The following CELF4 variants were observed in gnomAD, a reference collection of about 807,000 sequenced individuals.
CELF4 encodes CUG-BP- and ETR-3-like factor 4.
In CELF4, 18 loss-of-function variants were observed where a neutral mutation model predicts 59.9. The observed-to-expected ratio is 0.30, with a 90% CI of 0.21 to 0.45. CELF4 has a LOEUF of 0.45. Among genes scored for constraint, CELF4 ranks in the 20% least tolerant of loss-of-function variants. CELF4 has a pLI of 1.00. For missense variants in CELF4, 456 were observed against 689.0 expected, an observed-to-expected ratio of 0.66 and a Z score of 3.79; for synonymous variants, 261 against 267.1, an observed-to-expected ratio of 0.98 and a Z score of 0.22.
rs561213595 is a variant in CELF4, at chr18:37,274,320, G to A, written c.792C>T (p.Tyr264=). 1.3e-4 allele frequency: 202 copies of A among 1,612,358 alleles called. No individual in the cohort carries two copies. Among genetic ancestry groups the A allele is most frequent in the Non-Finnish European group, 1.6e-4 (192 of 1,179,616 alleles). The change falls in exon 6 of 13, where the codon TAC becomes TAT. Residue 264 remains tyrosine, a synonymous_variant. Transcript: ENST00000420428. ...GCGCGCTGCCACTTACTGCCTGAGCGTAGGCGCCGTAGGCCCCGAAAGGGA... is the reference window on the plus strand; with the variant it reads ...GCGCGCTGCCACTTACTGCCTGAGCATAGGCGCCGTAGGCCCCGAAAGGGA... ...MAIPFGAYGA[Y]AQALMQQQAA... is the part of the protein sequence containing the mutation.
intron 3 of CELF4, among the ~76,000 whole-genome samples, chr18:37,301,374 G>C (rs2096021432): frequency 6.6e-6 from 1 of 152,166 alleles, no homozygotes. Context: ...CGGCAGAGAT[G>C]GGGGCATGGG....
intron 2 of CELF4, among the ~76,000 whole-genome samples, chr18:37,322,935 TG>T (rs766161812): frequency 2.3e-4 from 35 of 152,198 alleles, no homozygotes; most frequent in Non-Finnish European, 4.7e-4. Context: ...GGCCACCACG[TG>T]GCAGGACATG....
At chr18:37,335,051 C>T in intron 2 of CELF4, among the ~76,000 whole-genome samples, 1 of 149,106 alleles carries the variant, frequency 6.7e-6, no homozygotes, top group African/African-American at 2.5e-5. Flanking sequence ...CCTTGCTCTC[C>T]CGTTTTCTAA....
chr18:37,293,357 C>A (rs907548550), intron 3 of CELF4, among the ~76,000 whole-genome samples: 9 of 152,184 alleles, frequency 5.9e-5, no homozygotes, highest in African/African-American at 2.2e-4. Context: ...TCTTGGCTTT[C>A]TTTAGTTGTA....
chr18:37,430,289 G>C (rs1379789938), intron 2 of CELF4, among the ~76,000 whole-genome samples: 1 of 152,192 alleles, frequency 6.6e-6, no homozygotes, highest in Non-Finnish European at 1.5e-5. Context: ...ATAACCTGGG[G>C]CCCCTTGGAA....
intron 2 of CELF4, among the ~76,000 whole-genome samples, chr18:37,453,083 T>C (rs2099768717): frequency 6.6e-6 from 1 of 152,268 alleles, no homozygotes; most frequent in South Asian, 2.1e-4. Context: ...CTTCTACATC[T>C]GGCCTCTGCC....
At chr18:37,561,011 C>G (rs1363715865) in intron 1 of CELF4, among the ~76,000 whole-genome samples, 3 of 152,184 alleles carry the variant, frequency 2.0e-5, no homozygotes, top group African/African-American at 7.2e-5. Flanking sequence ...ATTTCCTATT[C>G]AGGTATAGTT....
chr18:37,273,824 G>T, intron 6 of CELF4: 1 of 989,732 alleles, frequency 1.0e-6, no homozygotes, highest in Non-Finnish European at 1.2e-6. Context: ...GTGGAAGAAA[G>T]AAGTAGGTGG....
chr18:37,306,977 G>A (rs911027419), intron 3 of CELF4, among the ~76,000 whole-genome samples: 10 of 152,328 alleles, frequency 6.6e-5, no homozygotes, highest in Admixed American at 2.0e-4. Context: ...GAGGAGCCAC[G>A]TTTGCCACCT....
chr18:37,262,812 A>T (rs897913794), intron 10 of CELF4, among the ~76,000 whole-genome samples: 4 of 152,156 alleles, frequency 2.6e-5, no homozygotes, highest in African/African-American at 4.8e-5. Context: ...AGGGCAAGGC[A>T]GGCCCAGGGC....
Position 37,553,308 on chromosome 18 carries a change from G to A in CELF4, c.286+12048C>T, listed in dbSNP as rs187175441. 2.9e-4 allele frequency among the ~76,000 whole-genome samples: 44 copies of A among 152,202 alleles called. No homozygotes were observed. The Middle Eastern group carries it at 0.02, about 71-fold the overall frequency. On this transcript the variant is annotated intron_variant, in intron 1 of 12. Transcript: ENST00000420428. ...GCTCTACTGGGGCCTCAGCTGGACC[G>A]GGGTGGTGAGTGTACCAATTGATCA...
chr18:37,522,802 C>T (rs2099959094), intron 1 of CELF4, among the ~76,000 whole-genome samples: 1 of 152,114 alleles, frequency 6.6e-6, no homozygotes, highest in Non-Finnish European at 1.5e-5. Flanking sequence ...TGGGGCAGCA[C>T]CAAATCTCCC....
At chr18:37,308,298 G>T (rs2096519747) in intron 3 of CELF4, among the ~76,000 whole-genome samples, 1 of 150,878 alleles carries the variant, frequency 6.6e-6, no homozygotes, top group Non-Finnish European at 1.5e-5. Flanking sequence ...GGCGTTCCCT[G>T]AAACCTCTTC....
intron 1 of CELF4, among the ~76,000 whole-genome samples, chr18:37,488,829 G>A (rs1333880158): frequency 6.6e-6 from 1 of 152,204 alleles, no homozygotes; most frequent in African/African-American, 2.4e-5. Flanking sequence ...GAATGTATTT[G>A]TGAAAGGAAT....
At chr18:37,488,495 T>C (rs1006000370) in intron 1 of CELF4, among the ~76,000 whole-genome samples, 12 of 152,108 alleles carry the variant, frequency 7.9e-5, no homozygotes, top group Non-Finnish European at 1.8e-4. Flanking sequence ...TTGAGAGCTG[T>C]TCAAGATCTG....
chr18:37,552,927 G>C (rs2099983695), intron 1 of CELF4, among the ~76,000 whole-genome samples: 3 of 152,200 alleles, frequency 2.0e-5, no homozygotes, highest in African/African-American at 7.2e-5. Flanking sequence ...GACGTGGTCT[G>C]CCCAGTAGTC....
Position 37,454,262 on chromosome 18 carries a change from C to T in CELF4, c.369+31263G>A, listed in dbSNP as rs183133964. ...GTTGCCTGAAAGGGGCTGGGAGGTA[C>T]GAGAGGATGCATCTCAACTCTGAGC... On this transcript the variant is annotated intron_variant, in intron 2 of 12. Coordinates refer to ENST00000420428, the MANE Select transcript of CELF4 (RefSeq NM_020180.4). 2.0e-5 allele frequency among the ~76,000 whole-genome samples: 3 copies of T among 152,300 alleles called. No homozygotes were observed. The East Asian group carries it at 5.8e-4, about 29-fold the overall frequency.
intron 1 of CELF4, among the ~76,000 whole-genome samples, chr18:37,550,090 G>T (rs76691974): frequency 8.3e-6 from 1 of 120,652 alleles, no homozygotes; most frequent in African/African-American, 3.0e-5. Context: ...GGGTGGGGGG[G>T]GGGGATCCGT....
At chr18:37,540,924 C>T (rs1329700416) in intron 1 of CELF4, among the ~76,000 whole-genome samples, 4 of 150,780 alleles carry the variant, frequency 2.7e-5, no homozygotes, top group Non-Finnish European at 5.9e-5. Context: ...TGGGTGAGCA[C>T]CTGCCTGGAG....
Sources: allele counts gnomAD v4.1 joint callset (sites outside exome capture counted in the v4.1 genomes callset), GRCh38; gene constraint gnomAD v4.1.1; transcripts MANE v1.5; gene names NCBI Gene and HGNC (gene_info 2026-07-23, HGNC 2026-07-21).